The following DCC variants were observed in gnomAD, a reference collection of about 807,000 sequenced individuals.
DCC encodes the protein netrin receptor DCC.
In DCC, 58 loss-of-function variants were observed where a neutral mutation model predicts 172.5. That is an observed-to-expected ratio of 0.34 (90% CI 0.27 to 0.42). The LOEUF (loss-of-function observed/expected upper bound fraction) is 0.42. Among genes scored for constraint, DCC ranks in the 10% least tolerant of loss-of-function variants. The pLI, the probability that DCC is intolerant of heterozygous loss-of-function variation, is 1.00. For missense variants in DCC, 1,740 were observed against 1,791.0 expected, an observed-to-expected ratio of 0.97 and a Z score of 0.51; for synonymous variants, 709 against 644.5, an observed-to-expected ratio of 1.10 and a Z score of -1.52.
intron 7 of DCC, among the ~76,000 whole-genome samples, chr18:53,094,288 G>A (rs1392180889): frequency 1.3e-5 from 2 of 152,112 alleles, no homozygotes; most frequent in South Asian, 2.1e-4. Flanking sequence ...TGTCCCAACT[G>A]GGAAGAAGGA....
chr18:52,416,980 C>G (rs1401121415), intron 1 of DCC, among the ~76,000 whole-genome samples: 1 of 152,158 alleles, frequency 6.6e-6, no homozygotes. Context: ...ATGGTCTTTA[C>G]AATTTGGCAT....
intron 12 of DCC, among the ~76,000 whole-genome samples, chr18:53,255,633 G>C (rs1025743255): frequency 1.3e-5 from 2 of 152,022 alleles, no homozygotes; most frequent in African/African-American, 4.8e-5. Flanking sequence ...ATTTGGATTG[G>C]TTCCAAGTCT....
chr18:53,433,633 G>A (rs1350198845), intron 21 of DCC, among the ~76,000 whole-genome samples: 1 of 150,244 alleles, frequency 6.7e-6, no homozygotes, highest in African/African-American at 2.4e-5. Context: ...AAGCTTATCC[G>A]CTGCTCATTG....
chr18:52,551,962 G>A (rs1404012732), intron 1 of DCC, among the ~76,000 whole-genome samples: 1 of 151,610 alleles, frequency 6.6e-6, no homozygotes, highest in East Asian at 1.9e-4. Flanking sequence ...GTGTGGATTT[G>A]GTGTGGGGGG....
intron 15 of DCC, among the ~76,000 whole-genome samples, chr18:53,373,534 C>A (rs1230563195): frequency 1.3e-5 from 2 of 152,084 alleles, no homozygotes; most frequent in Non-Finnish European, 2.9e-5. Context: ...TTATTCTTTA[C>A]CAGTTGTTTA....
At chr18:52,470,643 A>T (rs73955651) in intron 1 of DCC, among the ~76,000 whole-genome samples, 5 of 152,176 alleles carry the variant, frequency 3.3e-5, no homozygotes, top group Non-Finnish European at 5.9e-5. Flanking sequence ...TTTCAAATAC[A>T]TAAGTCAGGA....
intron 24 of DCC, among the ~76,000 whole-genome samples, chr18:53,462,282 G>A (rs1339242456): frequency 6.6e-6 from 1 of 152,094 alleles, no homozygotes; most frequent in Non-Finnish European, 1.5e-5. Flanking sequence ...AAAGAGCAAA[G>A]CTTCATATGT....
intron 1 of DCC, among the ~76,000 whole-genome samples, chr18:52,682,193 A>G (rs959635791): frequency 6.6e-6 from 1 of 152,104 alleles, no homozygotes; most frequent in Non-Finnish European, 1.5e-5. Flanking sequence ...CGGTCAATGT[A>G]AAACACTGAA....
At chr18:52,598,866 G>A (rs36062849) in intron 1 of DCC, among the ~76,000 whole-genome samples, 20,178 of 152,066 alleles carry the variant, frequency 0.13, 1,407 homozygotes, top group South Asian at 0.19. Context: ...CCAAGATGGC[G>A]CCTCAATGCT....
chr18:53,294,610 T>G (rs1467203304), intron 12 of DCC, among the ~76,000 whole-genome samples: 7 of 152,176 alleles, frequency 4.6e-5, no homozygotes, highest in African/African-American at 1.7e-4. Flanking sequence ...GACTCAGCCT[T>G]GCATGTCTTG....
intron 15 of DCC, among the ~76,000 whole-genome samples, chr18:53,360,323 C>T (rs2057931793): frequency 6.6e-6 from 1 of 152,044 alleles, no homozygotes; most frequent in Non-Finnish European, 1.5e-5. Context: ...TATTCTGAAA[C>T]ATTATCAGTT....
chr18:53,314,548 C>T (rs1286795405), intron 13 of DCC, among the ~76,000 whole-genome samples: 2 of 152,082 alleles, frequency 1.3e-5, no homozygotes, highest in Non-Finnish European at 2.9e-5. Flanking sequence ...AAAAGTATTC[C>T]TGCTTTATTT....
Position 52,936,284 on chromosome 18 carries a change from TAGA to T in DCC, c.985+10921_985+10923del, listed in dbSNP as rs1043535925. On this transcript the variant is annotated intron_variant, in intron 5 of 28. Transcript: ENST00000442544. Reference sequence around the variant, plus strand: ...GATTCTGTTGAATATTTATATGAATTAGAAGAAGAGACAATGTAAGTTCAGACT... The same window carrying T: ...GATTCTGTTGAATATTTATATGAATTAGAAGAGACAATGTAAGTTCAGACT... 4.8e-5 allele frequency among the ~76,000 whole-genome samples: 3 copies of T among 62,698 alleles called. 1 individual carries two copies. The highest frequency in any genetic ancestry group is 1.5e-4 in the African/African-American group (3 of 20,188). 41.1% of individuals were successfully genotyped at this position (62,698 alleles called of 152,430 possible). A position where few individuals can be genotyped will look rare whatever the true frequency, so the allele number is the denominator to read the frequency against.
rs544685166 is a variant in DCC, at chr18:53,499,839, A to G, written c.4111+329A>G. On this transcript the variant is annotated intron_variant, in intron 27 of 28. Transcript: ENST00000442544. ...TGATTCCCTAACTTCATTCTGCCAC[A>G]TGAGTTCTAAGCGTTAAAGCTAGAC... 2.0e-5 allele frequency among the ~76,000 whole-genome samples: 3 copies of G among 152,272 alleles called. No individual in the cohort carries two copies. The East Asian group carries it at 5.8e-4, about 29-fold the overall frequency.
At chr18:52,979,401 T>A (rs2145601276) in intron 5 of DCC, among the ~76,000 whole-genome samples, 1 of 152,270 alleles carries the variant, frequency 6.6e-6, no homozygotes. Flanking sequence ...CCCTATGAAA[T>A]GAGTGGTGCA....
chr18:53,491,975 T>C (rs1158631525), intron 26 of DCC, among the ~76,000 whole-genome samples: 2 of 152,218 alleles, frequency 1.3e-5, no homozygotes, highest in Non-Finnish European at 2.9e-5. Context: ...CAGCATCTGT[T>C]GTTTCCTGAC....
At chr18:52,545,833 T>C (rs771640907) in intron 1 of DCC, among the ~76,000 whole-genome samples, 2 of 152,198 alleles carry the variant, frequency 1.3e-5, no homozygotes, top group African/African-American at 2.4e-5. Context: ...GAATAAATAG[T>C]ACTAACTGTT....
At chr18:53,376,097 A>G (rs528003866) in intron 15 of DCC, among the ~76,000 whole-genome samples, 1 of 152,254 alleles carries the variant, frequency 6.6e-6, no homozygotes, top group South Asian at 2.1e-4. Flanking sequence ...TACAAATATT[A>G]TTTTAAAAAT....
At chr18:53,226,948 A>ATATATATATATATATT in intron 12 of DCC, among the ~76,000 whole-genome samples, 2 of 52,948 alleles carry the variant, frequency 3.8e-5, no homozygotes, top group Non-Finnish European at 8.0e-5. Flanking sequence ...ATATATATAT[A>ATATATATATATATATT]TTTTTTTTTT....
Sources: gnomAD v4.1 joint callset for allele counts (sites outside exome capture counted in the v4.1 genomes callset) on GRCh38, gnomAD v4.1.1 for gene constraint, MANE v1.5 for transcripts, NCBI Gene and HGNC (gene_info 2026-07-23, HGNC 2026-07-21) for gene names.